Variants in ROCK2 observed in about 807,000 individuals in gnomAD.
The protein encoded by ROCK2 is rho-associated protein kinase 2.
A neutral mutation model predicts 195.1 loss-of-function variants in ROCK2; 61 were observed. That is an observed-to-expected ratio of 0.31 (90% confidence interval 0.25 to 0.39). ROCK2 has a LOEUF of 0.39. Ranked by LOEUF, ROCK2 falls within the 10% of genes least tolerant of loss-of-function variation. The pLI, the probability that ROCK2 is intolerant of heterozygous loss-of-function variation, is 1.00. For synonymous variants in ROCK2, 504 were observed against 545.5 expected (o/e 0.92, Z 1.06); for missense variants, 1,109 against 1,637.4 (o/e 0.68, Z 5.57).
In ROCK2 at chr2:11,235,611, C is replaced by G; in HGVS notation, c.723+91G>C. The stretch of plus-strand genomic sequence containing the variant: ...ATACAGTTATGAAAACTAAATTTAC[C>G]TTTGTTCAAAACTATGAAGACCTGA... On this transcript the variant is annotated intron_variant, in intron 5 of 32. Coordinates refer to ENST00000315872, the MANE Select transcript of ROCK2 (RefSeq NM_004850.5). This position sits in a 1 kb window ranked among gnomAD's most constrained non-coding sequence, Gnocchi z 4.2. The G allele has an allele frequency of 7.3e-7, 1 of 1,373,040 alleles. No individual in the cohort carries two copies. The highest frequency in any genetic ancestry group is 9.9e-7 in the Non-Finnish European group (1 of 1,007,504). The allele number at this position is 1,373,040 out of a possible 1,614,324, so 85.1% of individuals were successfully genotyped here. A position where few individuals can be genotyped will look rare whatever the true frequency, so the allele number is the denominator to read the frequency against.
chr2:11,254,374 G>A (rs1558330723), intron 3 of ROCK2, among the ~76,000 whole-genome samples: 1 of 152,144 alleles, frequency 6.6e-6, no homozygotes, highest in Non-Finnish European at 1.5e-5. Flanking sequence ...AGGAGGCAGA[G>A]ATCAGAGTTT....
In ROCK2 at chr2:11,235,954, A is replaced by C; in HGVS notation, c.471T>G (p.Tyr157Ter). Residue 157 changes from tyrosine (Y) to a stop codon, truncating the protein, a stop_gained, in exon 5 of 33, where the codon TAT (tyrosine) becomes TAG (stop). Transcript: ENST00000315872. LOFTEE classifies it high-confidence loss of function. The surrounding 1 kb of genome is among the most constrained non-coding windows in gnomAD (Gnocchi z 4.2). ...ACAGATACCTATCATCTTGAAAGGC[A>C]TAAAAAAGCTGGAAAACAAAAGGAA... ...ANSPWVVQLFYAFQDDRYLYM... is the reference protein window; with the variant it reads ...ANSPWVVQLF 7.0e-7 allele frequency: 1 copy of C among 1,428,650 alleles called. No individual in the cohort carries two copies. The highest frequency in any genetic ancestry group is 9.2e-7 in the Non-Finnish European group (1 of 1,084,708). The allele number at this position is 1,428,650 out of a possible 1,614,324, so 88.5% of individuals were successfully genotyped here.
intron 1 of ROCK2, among the ~76,000 whole-genome samples, chr2:11,312,517 A>C (rs1429380380): frequency 6.6e-6 from 1 of 152,164 alleles, no homozygotes; most frequent in Non-Finnish European, 1.5e-5. Context: ...TGAAGTTTAT[A>C]TAATTAATGT....
intron 1 of ROCK2, among the ~76,000 whole-genome samples, chr2:11,334,714 A>G (rs1668871991): frequency 6.6e-6 from 1 of 150,996 alleles, no homozygotes; most frequent in African/African-American, 2.4e-5. Flanking sequence ...AGACAATACC[A>G]GCCCTGCTCT....
chr2:11,199,720 T>A (rs1443637123), intron 23 of ROCK2, among the ~76,000 whole-genome samples: 1 of 152,214 alleles, frequency 6.6e-6, no homozygotes, highest in Non-Finnish European at 1.5e-5. Context: ...CAAATGAAGA[T>A]CTGATGTAAT....
Position 11,249,679 on chromosome 2 carries a change from A to G in ROCK2, c.444T>C (p.Asn148=), listed in dbSNP as rs1375683478. 3.2e-6 allele frequency: 5 copies of G among 1,554,690 alleles called. No individual in the cohort carries two copies. In the Admixed American group the frequency reaches 7.8e-5, roughly 24 times the overall value. Reference sequence around the variant, plus strand: ...TGCTTACCTGAACCACCCAGGGGCTATTGGCAAAGGCCATAATATCTCTTT... The same window carrying G: ...TGCTTACCTGAACCACCCAGGGGCTGTTGGCAAAGGCCATAATATCTCTTT... ...WEERDIMAFA[N]SPWVVQLFYA... Residue 148 remains asparagine (N), a synonymous_variant, in exon 4 of 33, where the codon AAT becomes AAC. Coordinates refer to ENST00000315872, the MANE Select transcript of ROCK2 (RefSeq NM_004850.5).
chr2:11,294,678 ATAATG>A lies in ROCK2; in HGVS notation c.142-6947_142-6943del, dbSNP rs760807723. On this transcript the variant is annotated intron_variant, in intron 1 of 32. Coordinates refer to ENST00000315872, the MANE Select transcript of ROCK2 (RefSeq NM_004850.5). Reference sequence around the variant, plus strand: ...GGAAGATATGAATCAAATTGCATTCATAATGTAATACATTGTTTTATTATTTTATT... The same window carrying A: ...GGAAGATATGAATCAAATTGCATTCATAATACATTGTTTTATTATTTTATT... 7.9e-5 allele frequency among the ~76,000 whole-genome samples: 12 copies of A among 152,352 alleles called. No individual in the cohort carries two copies. In the East Asian group the frequency reaches 2.1e-3, roughly 27 times the overall value.
At chr2:11,254,331 T>G (rs934442398) in intron 3 of ROCK2, among the ~76,000 whole-genome samples, 5 of 152,180 alleles carry the variant, frequency 3.3e-5, no homozygotes, top group African/African-American at 1.2e-4. Context: ...GCAACCAGTG[T>G]GCAGCATATA....
At position 11,218,447 on chromosome 2, in the gene ROCK2, C is replaced by A. The variant is rs377125275; in HGVS notation, c.1332+8G>T. ...AGTTTTTCAATATATCTGACAACATCAACATACCTCTTGACTTTCCTATTT... is the reference window on the plus strand; with the variant it reads ...AGTTTTTCAATATATCTGACAACATAAACATACCTCTTGACTTTCCTATTT... On this transcript the variant is annotated splice_region_variant and intron_variant, in intron 11 of 32. Coordinates refer to ENST00000315872, the MANE Select transcript of ROCK2 (RefSeq NM_004850.5). 52 of 1,559,996 alleles carry A rather than the reference C, an allele frequency of 3.3e-5. 3 individuals carry two copies. In the Middle Eastern group the frequency reaches 8.5e-4, roughly 25 times the overall value.
At position 11,214,826 on chromosome 2, in the gene ROCK2, C is replaced by T. The variant is rs1434792085; in HGVS notation, c.1936+14G>A. Reference sequence around the variant, plus strand: ...TCATCAAAATTAATTCAAGTGCAACCACGACTTCAATACCTTGTAAATCAT... The same window carrying T: ...TCATCAAAATTAATTCAAGTGCAACTACGACTTCAATACCTTGTAAATCAT... On this transcript the variant is annotated intron_variant, in intron 16 of 32. Transcript: ENST00000315872. 5 of 1,584,440 alleles carry T rather than the reference C, an allele frequency of 3.2e-6. No homozygotes were observed. Among genetic ancestry groups the T allele is most frequent in the Non-Finnish European group, 4.3e-6 (5 of 1,167,232 alleles).
intron 1 of ROCK2, among the ~76,000 whole-genome samples, chr2:11,324,813 T>C (rs966975679): frequency 1.3e-5 from 2 of 152,222 alleles, no homozygotes; most frequent in African/African-American, 2.4e-5. Context: ...ATAACCGTAA[T>C]AGTACATCAT....
intron 20 of ROCK2, among the ~76,000 whole-genome samples, chr2:11,207,180 C>A (rs914343368): frequency 6.6e-6 from 1 of 152,194 alleles, no homozygotes; most frequent in South Asian, 2.1e-4. Context: ...AGCAATCTCA[C>A]TTCACCTCAA....
chr2:11,267,734 C>A (rs1203454993), intron 3 of ROCK2, among the ~76,000 whole-genome samples: 5 of 147,990 alleles, frequency 3.4e-5, no homozygotes, highest in Non-Finnish European at 7.4e-5. Context: ...TGGAGTCTCA[C>A]CCTGTCACCC....
In ROCK2 at chr2:11,227,361, G is replaced by A; in HGVS notation, c.761C>T (p.Pro254Leu). ...CAGAACCTCAGGTGATATATAATCC[G>A]GTGTTCCAACTGCTGTATCACAATG... ...MVHCDTAVGT[P>L]DYISPEVLKS... Residue 254 changes from proline (P) to leucine (L), a missense_variant, in exon 6 of 33, where the codon CCG becomes CTG. Physicochemically the swap from Pro to Leu is moderately conservative, Grantham distance 98. Around this residue, in one of 6 missense-constraint regions of ROCK2, gnomAD observed 253 missense variants for 455.5 expected, o/e 0.56. Transcript: ENST00000315872. The A allele has an allele frequency of 6.2e-7, 1 of 1,613,260 alleles. No homozygotes were observed.
At chr2:11,184,719 TCAA>T (rs1416989243) in intron 32 of ROCK2, 2 of 982,942 alleles carry the variant, frequency 2.0e-6, no homozygotes, top group African/African-American at 3.5e-5. Context: ...ACCACCACCA[TCAA>T]CATCATCAAA....
intron 1 of ROCK2, among the ~76,000 whole-genome samples, chr2:11,325,377 A>G (rs1668516917): frequency 6.6e-6 from 1 of 152,238 alleles, no homozygotes; most frequent in African/African-American, 2.4e-5. Flanking sequence ...TTGTCCTTCC[A>G]GAATCCAACT....
rs911467424 is a variant in ROCK2, at chr2:11,181,330, A to G, written c.*2107T>C. 3.3e-5 allele frequency: 5 copies of G among 151,162 alleles called. No individual in the cohort carries two copies. The highest frequency in any genetic ancestry group is 5.9e-5 in the Non-Finnish European group (4 of 67,840). The allele number at this position is 151,162 out of a possible 1,614,324, so 9.4% of individuals were successfully genotyped here. A position where few individuals can be genotyped will look rare whatever the true frequency, so the allele number is the denominator to read the frequency against. On this transcript the variant is annotated 3_prime_UTR_variant, in exon 33 of 33. Coordinates refer to ENST00000315872, the MANE Select transcript of ROCK2 (RefSeq NM_004850.5). Reference sequence around the variant, plus strand: ...GGAAATATTTATTCTATATAAATTTATATATTTTTCATTTTTTAATCTTAC... The same window carrying G: ...GGAAATATTTATTCTATATAAATTTGTATATTTTTCATTTTTTAATCTTAC...
intron 4 of ROCK2, among the ~76,000 whole-genome samples, chr2:11,243,136 A>G (rs1665487758): frequency 6.6e-6 from 1 of 152,202 alleles, no homozygotes; most frequent in Non-Finnish European, 1.5e-5. Flanking sequence ...AGACTGAGGA[A>G]ATGTTCAAAA....
At chr2:11,222,233 C>G in intron 7 of ROCK2, 59 bp from the exon 8 acceptor site, 2 of 953,058 alleles carry the variant, frequency 2.1e-6, no homozygotes, top group Non-Finnish European at 3.2e-6. Context: ...AAGATTAACT[C>G]TATGTCAACA....
Sources: allele counts gnomAD v4.1 joint callset (sites outside exome capture counted in the v4.1 genomes callset), GRCh38; gene constraint gnomAD v4.1.1; regional missense constraint gnomAD v4.1.1; non-coding constraint Gnocchi (gnomAD v3.1); transcripts MANE v1.5; gene names NCBI Gene and HGNC (gene_info 2026-07-23, HGNC 2026-07-21).